Variants in CIT observed in about 807,000 individuals in gnomAD.
The protein encoded by CIT is citron Rho-interacting kinase.
In CIT, 79 loss-of-function variants were observed where a neutral mutation model predicts 272.7. The ratio of observed to expected loss-of-function variants is 0.29; its 90% CI spans 0.24 to 0.35. CIT has a LOEUF of 0.35. CIT is among the 10% of genes least tolerant of loss of function. CIT has a pLI of 1.00. For missense variants in CIT, 1,909 were observed against 2,618.3 expected (o/e 0.73, Z 5.91); for synonymous variants, 948 against 995.6 (o/e 0.95, Z 0.90).
At chr12:119,799,514 C>T (rs1425985863) in intron 10 of CIT, among the ~76,000 whole-genome samples, 2 of 152,156 alleles carry the variant, frequency 1.3e-5, no homozygotes, top group Non-Finnish European at 2.9e-5. Context: ...ATGCCTGGAT[C>T]CATCGCTGTG....
chr12:119,845,612 C>A (rs2138211593), intron 5 of CIT, among the ~76,000 whole-genome samples: 1 of 148,670 alleles, frequency 6.7e-6, no homozygotes, highest in Non-Finnish European at 1.5e-5. Context: ...AAGATCCCGC[C>A]ACTGCACTCC....
chr12:119,785,164 A>C, intron 10 of CIT, 99 bp from the exon 11 acceptor site: 375 of 1,249,788 alleles, frequency 3.0e-4, no homozygotes, highest in Non-Finnish European at 3.8e-4. Context: ...AAAACATCTC[A>C]TGCTCTTGAT....
At chr12:119,698,226 C>T in intron 44 of CIT, 172 bp from the exon 45 acceptor site, 1 of 650,052 alleles carries the variant, frequency 1.5e-6, no homozygotes, top group Admixed American at 2.2e-5. Flanking sequence ...ATATTCACTG[C>T]CGTGTGGTTT....
chr12:119,819,086 T>A (rs1967457948), intron 9 of CIT, among the ~76,000 whole-genome samples: 2 of 152,178 alleles, frequency 1.3e-5, no homozygotes. Context: ...TCGCCGGAAC[T>A]GCACAACCAG....
In CIT at chr12:119,704,387, G is replaced by A. The variant is rs1214042250; in HGVS notation, c.5280C>T (p.Asn1760=). Residue 1760 remains asparagine, a synonymous_variant, in exon 41 of 48, where the codon AAC becomes AAT. Transcript: ENST00000392521. The part of the protein sequence containing the change: ...SKVVILRYNE[N]LSKYCIRKEI... ...CTTTCCGGATGCAGTATTTGCTGAG[G>A]TTTTCGTTGTAGCGGAGAATGACGA... 6.2e-7 allele frequency: 1 copy of A among 1,613,984 alleles called. No individual in the cohort carries two copies. The highest frequency in any genetic ancestry group is 1.1e-5 in the South Asian group (1 of 91,076).
In CIT at chr12:119,697,730, G is replaced by A. The variant is rs1327193921; in HGVS notation, c.5811C>T (p.Val1937=). The change falls in exon 46 of 48, where the codon GTC becomes GTT. Residue 1937 remains valine, a synonymous_variant. Coordinates refer to ENST00000392521, the MANE Select transcript of CIT (RefSeq NM_001206999.2). The surrounding 1 kb of genome is among the most constrained non-coding windows in gnomAD (Gnocchi z 4.9). ...LASSYQDKLR[V]ICCKGNLVKE... is the part of the protein sequence containing the mutation. ...TCACGAGGTTTCCCTTGCAGCAAAT[G>A]ACCCTTAATTTATCCTGGTATGAGG... The A allele has an allele frequency of 6.2e-7, 1 of 1,614,036 alleles. No individual in the cohort carries two copies. The highest frequency in any genetic ancestry group is 8.5e-7 in the Non-Finnish European group (1 of 1,180,046).
intron 5 of CIT, among the ~76,000 whole-genome samples, chr12:119,847,198 A>T (rs1191612688): frequency 1.3e-5 from 2 of 152,052 alleles, no homozygotes; most frequent in African/African-American, 4.8e-5. Flanking sequence ...GTTAGCCAGG[A>T]TGGTCTCGAT....
At chr12:119,689,643 G>A (rs1160980105) in intron 47 of CIT, among the ~76,000 whole-genome samples, 2 of 118,154 alleles carry the variant, frequency 1.7e-5, no homozygotes, top group Non-Finnish European at 3.5e-5. Context: ...TTACACACAC[G>A]TTATCCATTT....
At chr12:119,752,278 T>C (rs200740822) in intron 22 of CIT, 31 bp from the exon 23 acceptor site, 17 of 1,565,602 alleles carry the variant, frequency 1.1e-5, no homozygotes, top group Non-Finnish European at 8.7e-6. Flanking sequence ...GAAAGAGAGA[T>C]AAACCCTTGC....
chr12:119,861,070 G>A (rs910818530), intron 3 of CIT, among the ~76,000 whole-genome samples: 5 of 150,998 alleles, frequency 3.3e-5, no homozygotes, highest in African/African-American at 7.3e-5. Flanking sequence ...GCAGTGAGCC[G>A]AGATCAAGCC....
chr12:119,802,919 C>G (rs896113035), intron 10 of CIT, among the ~76,000 whole-genome samples: 2 of 152,172 alleles, frequency 1.3e-5, no homozygotes, highest in Non-Finnish European at 2.9e-5. Context: ...ATCTCCCACT[C>G]TCTCCCCTTT....
chr12:119,698,203 T>C (rs530583201), intron 44 of CIT, 149 bp from the exon 45 acceptor site: 5 of 700,888 alleles, frequency 7.1e-6, no homozygotes, highest in Non-Finnish European at 1.3e-5. Flanking sequence ...AGAACAGTCA[T>C]GCATGTTCGA....
At chr12:119,783,613 G>T in intron 12 of CIT, 1 of 238,624 alleles carries the variant, frequency 4.2e-6, no homozygotes, top group South Asian at 1.2e-4. Context: ...TGGGATGGGA[G>T]ATGTTAAGAT....
chr12:119,732,908 C>T (rs1185094049), intron 26 of CIT, among the ~76,000 whole-genome samples: 1 of 152,174 alleles, frequency 6.6e-6, no homozygotes, highest in Admixed American at 6.5e-5. Flanking sequence ...CACACTAGCC[C>T]ATATCATGCC....
At chr12:119,845,536 C>T (rs902073332) in intron 5 of CIT, among the ~76,000 whole-genome samples, 1 of 151,464 alleles carries the variant, frequency 6.6e-6, no homozygotes, top group Admixed American at 6.6e-5. Context: ...ACCTGTAATC[C>T]CAGCTACTCA....
intron 47 of CIT, 99 bp from the exon 48 acceptor site, chr12:119,688,354 C>A (rs987181257): frequency 2.5e-6 from 3 of 1,208,838 alleles, no homozygotes; most frequent in African/African-American, 1.5e-5. Flanking sequence ...CCTGGGCTAT[C>A]CCCTTCAGCA....
intron 26 of CIT, among the ~76,000 whole-genome samples, chr12:119,733,620 G>A (rs1381951928): frequency 1.3e-5 from 2 of 152,078 alleles, no homozygotes; most frequent in African/African-American, 2.4e-5. Context: ...GGGATATTGG[G>A]GGCAATGTCT....
At chr12:119,707,654 ACCGTGC>A (rs1323720422) in intron 40 of CIT, among the ~76,000 whole-genome samples, 1 of 152,036 alleles carries the variant, frequency 6.6e-6, no homozygotes, top group Non-Finnish European at 1.5e-5. Context: ...GGCGCCCGCC[ACCGTGC>A]CCAGCTAATT....
intron 8 of CIT, among the ~76,000 whole-genome samples, chr12:119,823,375 C>T (rs1350599610): frequency 6.6e-6 from 1 of 152,182 alleles, no homozygotes; most frequent in Non-Finnish European, 1.5e-5. Context: ...CTGCACTCTA[C>T]TTTTGCACAC....
Sources: allele counts gnomAD v4.1 joint callset (sites outside exome capture counted in the v4.1 genomes callset), GRCh38; gene constraint gnomAD v4.1.1; non-coding constraint Gnocchi (gnomAD v3.1); transcripts MANE v1.5; gene names NCBI Gene and HGNC (gene_info 2026-07-23, HGNC 2026-07-21).